The following CEP85L variants were observed in gnomAD, a reference collection of about 807,000 sequenced individuals.
CEP85L encodes the protein centrosomal protein of 85 kDa-like.
In CEP85L, 60 loss-of-function variants were observed where a neutral mutation model predicts 100.3. That is an observed-to-expected ratio of 0.60 (90% CI 0.49 to 0.74). The LOEUF is 0.74. CEP85L is among the 30% of genes least tolerant of loss of function. The pLI, the probability that CEP85L is intolerant of heterozygous loss-of-function variation, is 0.00. For missense variants in CEP85L, 973 were observed against 936.2 expected, an observed-to-expected ratio of 1.04 and a Z score of -0.51; for synonymous variants, 319 against 322.7, an observed-to-expected ratio of 0.99 and a Z score of 0.12.
At chr6:118,522,004 T>C (rs1776697733) in intron 4 of CEP85L, among the ~76,000 whole-genome samples, 1 of 152,204 alleles carries the variant, frequency 6.6e-6, no homozygotes, top group Admixed American at 6.5e-5. Context: ...TCAACTGATT[T>C]CCATTGTTTG....
intron 1 of CEP85L, among the ~76,000 whole-genome samples, chr6:118,676,910 G>T (rs73530844): frequency 0.02 from 3,008 of 151,942 alleles, 121 homozygotes; most frequent in African/African-American, 0.069. Flanking sequence ...ATATCTCATT[G>T]TGTTTTGAAT....
chr6:118,682,720 G>GAA (rs568590773), intron 1 of CEP85L, among the ~76,000 whole-genome samples: 11 of 137,370 alleles, frequency 8.0e-5, no homozygotes, highest in East Asian at 2.2e-4. Context: ...CAAACTGGAA[G>GAA]AAAAAAAAAA....
rs148357969 is a variant in CEP85L, at chr6:118,468,496, T to C, written c.2254+576A>G. Among the ~76,000 whole-genome samples, 5 of 152,300 alleles carry C rather than the reference T, an allele frequency of 3.3e-5. No homozygotes were observed. The East Asian group carries it at 7.7e-4, about 24-fold the overall frequency. The stretch of plus-strand genomic sequence containing the variant: ...AGAAAGAAAGGGACACTAGGATTAT[T>C]ACTGTGGCAGCTCCCACAATTATGT... On this transcript the variant is annotated intron_variant, in intron 12 of 12. Coordinates refer to ENST00000368491, the MANE Select transcript of CEP85L (RefSeq NM_001042475.3).
chr6:118,560,472 A>C (rs1345572178), intron 3 of CEP85L: 8 of 166,984 alleles, frequency 4.8e-5, no homozygotes, highest in Non-Finnish European at 1.0e-4. Flanking sequence ...GCAGAGGAGG[A>C]GAAAGATGGG....
intron 4 of CEP85L, among the ~76,000 whole-genome samples, chr6:118,516,969 A>G (rs1218591297): frequency 5.3e-5 from 8 of 152,204 alleles, no homozygotes; most frequent in African/African-American, 1.9e-4. Context: ...GCATATGGCT[A>G]GCCAGTTTTC....
At chr6:118,646,724 T>C (rs1775224061) in intron 1 of CEP85L, among the ~76,000 whole-genome samples, 1 of 152,202 alleles carries the variant, frequency 6.6e-6, no homozygotes, top group Non-Finnish European at 1.5e-5. Context: ...ACTTTCTTAA[T>C]GCAAAATTTA....
At chr6:118,692,241 G>A (rs928071302) in intron 1 of CEP85L, among the ~76,000 whole-genome samples, 2 of 152,160 alleles carry the variant, frequency 1.3e-5, no homozygotes, top group African/African-American at 4.8e-5. Flanking sequence ...ATATATGTTA[G>A]AGTATTTTGT....
chr6:118,680,875 C>CAA (rs35690474), intron 1 of CEP85L, among the ~76,000 whole-genome samples: 7,167 of 147,104 alleles, frequency 0.049, 339 homozygotes, highest in African/African-American at 0.11. Flanking sequence ...GACCTTGTGT[C>CAA]AAAAAAAAAA....
chr6:118,667,126 G>A (rs1245994503), intron 1 of CEP85L, among the ~76,000 whole-genome samples: 1 of 152,162 alleles, frequency 6.6e-6, no homozygotes, highest in Non-Finnish European at 1.5e-5. Context: ...ACTCAGTCCT[G>A]GAGTGGCTCC....
chr6:118,530,719 A>G (rs1352013330), intron 3 of CEP85L, among the ~76,000 whole-genome samples: 2 of 152,132 alleles, frequency 1.3e-5, no homozygotes, highest in Non-Finnish European at 2.9e-5. Flanking sequence ...ATATATGCCA[A>G]CAACTTCCAA....
intron 1 of CEP85L, among the ~76,000 whole-genome samples, chr6:118,661,888 G>A (rs746543519): frequency 7.9e-5 from 12 of 152,194 alleles, no homozygotes; most frequent in Non-Finnish European, 1.2e-4. Context: ...GTTGTATCAC[G>A]AAATGACTTT....
At chr6:118,683,408 CTT>C (rs966202225) in intron 1 of CEP85L, among the ~76,000 whole-genome samples, 2 of 152,084 alleles carry the variant, frequency 1.3e-5, no homozygotes, top group African/African-American at 4.8e-5. Context: ...TATATAAAAA[CTT>C]ATTCTTTTTG....
Position 118,648,293 on chromosome 6 carries a change from A to G in CEP85L, c.73+2904T>C, listed in dbSNP as rs117578671. Among the ~76,000 whole-genome samples, 635 of 152,316 alleles carry G rather than the reference A, an allele frequency of 4.2e-3. 5 individuals are homozygous for G. Among genetic ancestry groups the G allele is most frequent in the Non-Finnish European group, 5.4e-3 (367 of 68,018 alleles). ...TAAATACTCATTTTATTTTTGGTTT[A>G]TAACAGTTACTCCAAAAAGCTGAAA... On this transcript the variant is annotated intron_variant, in intron 1 of 12. Transcript: ENST00000368491.
intron 2 of CEP85L, among the ~76,000 whole-genome samples, chr6:118,612,694 A>C (rs187338001): frequency 2.5e-5 from 2 of 80,798 alleles, no homozygotes; most frequent in African/African-American, 4.7e-5. Context: ...GGGGGGGGGG[A>C]CTCTCAAATC....
intron 5 of CEP85L, among the ~76,000 whole-genome samples, chr6:118,503,074 C>G (rs1344980292): frequency 6.6e-6 from 1 of 152,114 alleles, no homozygotes; most frequent in Non-Finnish European, 1.5e-5. Flanking sequence ...AAACACCTTC[C>G]TGGAACTAAT....
At chr6:118,613,842 C>T (rs1436487862) in intron 2 of CEP85L, among the ~76,000 whole-genome samples, 1 of 150,390 alleles carries the variant, frequency 6.6e-6, no homozygotes, top group Non-Finnish European at 1.5e-5. Context: ...CCATTCTATA[C>T]AATCTCTTCC....
At position 118,674,375 on chromosome 6, in the gene CEP85L, T is replaced by G. The variant is rs535929671; in HGVS notation, c.-27-21567A>C. ...ACTGTCTCTACTAAAAATAAAAAAA[T>G]TAGCTGGGCATGGTGACAGGTGCCT... On this transcript the variant is annotated intron_variant, in intron 1 of 13. Coordinates refer to the CEP85L transcript ENST00000368488. Among the ~76,000 whole-genome samples the G allele has an allele frequency of 5.9e-5, 9 of 152,018 alleles. No homozygotes were observed. The East Asian group carries it at 1.7e-3, about 29-fold the overall frequency.
At chr6:118,653,894 C>G (rs900394132), upstream of CEP85L, among the ~76,000 whole-genome samples, 13 of 151,966 alleles carry the variant, frequency 8.6e-5, no homozygotes, top group Middle Eastern at 3.4e-3. Flanking sequence ...CATTTAATAC[C>G]AAACTATATT....
At chr6:118,484,660 T>C (rs546568632) in intron 6 of CEP85L, among the ~76,000 whole-genome samples, 93 of 152,230 alleles carry the variant, frequency 6.1e-4, no homozygotes, top group Non-Finnish European at 1.2e-3. Context: ...CAGTGAAGTA[T>C]TCATCTCTGA....
Sources: gnomAD v4.1 joint callset for allele counts (sites outside exome capture counted in the v4.1 genomes callset) on GRCh38, gnomAD v4.1.1 for gene constraint, MANE v1.5 for transcripts, NCBI Gene and HGNC (gene_info 2026-07-23, HGNC 2026-07-21) for gene names.